The following DROSHA variants were observed in gnomAD, a reference collection of about 807,000 sequenced individuals.
DROSHA encodes the protein drosha ribonuclease III, also known as ribonuclease 3.
In DROSHA, 56 loss-of-function variants were observed where a neutral mutation model predicts 181.9. The observed-to-expected ratio is 0.31, with a 90% CI of 0.25 to 0.38. DROSHA has a LOEUF of 0.38. DROSHA is among the 10% of genes least tolerant of loss of function. The pLI, the probability that DROSHA is intolerant of heterozygous loss-of-function variation, is 1.00. For synonymous variants in DROSHA, 524 were observed against 591.2 expected, an observed-to-expected ratio of 0.89 and a Z score of 1.65; for missense variants, 1,218 against 1,743.5, an observed-to-expected ratio of 0.70 and a Z score of 5.37.
intron 18 of DROSHA, chr5:31,467,460 T>A (rs1749206427): frequency 6.6e-6 from 1 of 152,078 alleles, no homozygotes; most frequent in Non-Finnish European, 1.5e-5. Context: ...GAAAGTTACA[T>A]CAATCCTAAG....
chr5:31,410,752 A>G lies in DROSHA; in HGVS notation c.3661T>C (p.Leu1221=). Residue 1221 remains leucine, a synonymous_variant, in exon 31 of 36, where the codon TTG becomes CTG. Transcript: ENST00000344624. ...ALRTKTLADL[L]ESFIAALYID... is the part of the protein sequence containing the mutation. ...AAAAGTGTGTGGCACTCACATTCCA[A>G]AAGGTCCGCCAAGGTCTTGGTGCGA... 6.2e-7 allele frequency: 1 copy of G among 1,613,198 alleles called. No individual in the cohort carries two copies. The highest frequency in any genetic ancestry group is 8.5e-7 in the Non-Finnish European group (1 of 1,179,514).
chr5:31,508,170 G>A (rs1738210253), intron 10 of DROSHA, among the ~76,000 whole-genome samples: 1 of 151,972 alleles, frequency 6.6e-6, no homozygotes, highest in Admixed American at 6.6e-5. Context: ...AAATAATTAT[G>A]TCCACCTATT....
At position 31,437,351 on chromosome 5, in the gene DROSHA, C is replaced by A; in HGVS notation, c.2883-53G>T. 6.0e-6 allele frequency: 7 copies of A among 1,162,634 alleles called. No homozygotes were observed. The East Asian group carries it at 1.9e-4, about 32-fold the overall frequency. 72.0% of individuals were successfully genotyped at this position (1,162,634 alleles called of 1,614,324 possible). ...AATACAGCATATTAACACTCCCCCC[C>A]ACCCACCCACCCCCGCAAGAAAAGA... On this transcript the variant is annotated intron_variant, in intron 23 of 35. Transcript: ENST00000344624.
rs1274114593 is a variant in DROSHA, at chr5:31,526,686, G to C, written c.247C>G (p.Pro83Ala). The change falls in exon 5 of 36, where the codon CCA (proline) becomes GCA (alanine). Residue 83 changes from proline to alanine, a missense_variant. Physicochemically the swap from Pro to Ala is conservative, Grantham distance 27. This residue lies in a region of DROSHA where 536 missense variants were observed against 535.4 expected (regional missense o/e 1.00). Transcript: ENST00000344624. ...PPRPDFVPFP[P>A]PMPPSAQGPL... ...CCTTGCGCTGACGGAGGCATGGGTG[G>C]GGGGAAGGGTACAAAGTCTGGTCGT... The C allele has an allele frequency of 2.7e-5, 41 of 1,523,024 alleles. No individual in the cohort carries two copies. The highest frequency in any genetic ancestry group is 3.5e-5 in the Non-Finnish European group (40 of 1,137,498). 94.3% of individuals were successfully genotyped at this position (1,523,024 alleles called of 1,614,324 possible). A position where few individuals can be genotyped will look rare whatever the true frequency, so the allele number is the denominator to read the frequency against.
At chr5:31,412,801 G>A (rs1303794049) in intron 30 of DROSHA, among the ~76,000 whole-genome samples, 1 of 152,106 alleles carries the variant, frequency 6.6e-6, no homozygotes, top group Non-Finnish European at 1.5e-5. Flanking sequence ...GAGCCCACTA[G>A]CCTAATATCT....
At chr5:31,414,310 A>G (rs77598021) in intron 30 of DROSHA, among the ~76,000 whole-genome samples, 1 of 152,334 alleles carries the variant, frequency 6.6e-6, no homozygotes, top group East Asian at 1.9e-4. Flanking sequence ...ATAAATTACT[A>G]TTTTACAAAG....
chr5:31,522,370 G>A (rs928430631), intron 5 of DROSHA, among the ~76,000 whole-genome samples: 2 of 152,034 alleles, frequency 1.3e-5, no homozygotes, highest in Non-Finnish European at 2.9e-5. Flanking sequence ...AAAGATATAT[G>A]TAATTTGTAA....
chr5:31,464,064 CAG>C, intron 20 of DROSHA, 170 bp downstream of exon 20: 1 of 642,598 alleles, frequency 1.6e-6, no homozygotes, highest in Non-Finnish European at 2.7e-6. Flanking sequence ...AGCATCAAAA[CAG>C]ACAACAAAAA....
chr5:31,450,680 G>A (rs1444365126), intron 21 of DROSHA, among the ~76,000 whole-genome samples: 1 of 152,088 alleles, frequency 6.6e-6, no homozygotes, highest in Admixed American at 6.6e-5. Flanking sequence ...GACTCAGATG[G>A]GGAGTGTTGG....
In DROSHA at chr5:31,401,562, T is replaced by C; in HGVS notation, c.3995A>G (p.Tyr1332Cys). The part of the protein sequence containing the change: ...MGAAMDALEK[Y>C]NFPQMAHQKR... ...CTGATGGGCCATCTGGGGAAAATTA[T>C]CTGACACAAGGAAATATATTTTATA... Residue 1332 changes from tyrosine (Y) to cysteine (C), a missense_variant and splice_region_variant, in exon 36 of 36, where the codon TAT becomes TGT. Coordinates refer to ENST00000344624, the MANE Select transcript of DROSHA (RefSeq NM_001382508.1). The C allele has an allele frequency of 6.4e-7, 1 of 1,566,094 alleles. No homozygotes were observed. The highest frequency in any genetic ancestry group is 8.7e-7 in the Non-Finnish European group (1 of 1,155,744).
chr5:31,472,177 G>A lies in DROSHA; in HGVS notation c.2127C>T (p.Cys709=). 7 of 1,613,872 alleles carry A rather than the reference G, an allele frequency of 4.3e-6. No individual in the cohort carries two copies. The highest frequency in any genetic ancestry group is 5.9e-6 in the Non-Finnish European group (7 of 1,179,852). ...MHQILLYLLR[C]SKALVPEEEI... is the part of the protein sequence containing the mutation. Reference sequence around the variant, plus strand: ...CCTCCTCAGGCACCAGGGCTTTGCTGCACCTTAACAAGTACAGGAGAATCT... The same window carrying A: ...CCTCCTCAGGCACCAGGGCTTTGCTACACCTTAACAAGTACAGGAGAATCT... Residue 709 remains cysteine (C), a synonymous_variant, in exon 17 of 36, where the codon TGC becomes TGT. Coordinates refer to ENST00000344624, the MANE Select transcript of DROSHA (RefSeq NM_001382508.1).
chr5:31,444,571 G>C (rs1199867479), intron 23 of DROSHA, among the ~76,000 whole-genome samples: 1 of 152,150 alleles, frequency 6.6e-6, no homozygotes, highest in Admixed American at 6.5e-5. Context: ...ACTGCGGTAG[G>C]GGAAGATGAG....
In DROSHA at chr5:31,508,668, G is replaced by C; in HGVS notation, c.1540C>G (p.His514Asp). ...AGTTCATCATGAAGTCGGTCAGGGT[G>C]GGCCTTTTTGCGTTTGATTTCTGCA... Reference protein sequence around the residue: ...VIAEIKRKKAHPDRLHDELWY... With the variant: ...VIAEIKRKKADPDRLHDELWY... The change falls in exon 10 of 36, where the codon CAC (histidine) becomes GAC (aspartate). Residue 514 changes from histidine (H) to aspartate (D), a missense_variant. Coordinates refer to ENST00000344624, the MANE Select transcript of DROSHA (RefSeq NM_001382508.1). 2 of 1,613,896 alleles carry C rather than the reference G, an allele frequency of 1.2e-6. No individual in the cohort carries two copies. Among genetic ancestry groups the C allele is most frequent in the Non-Finnish European group, 1.7e-6 (2 of 1,179,858 alleles).
rs146059504 is a variant in DROSHA at position 31,427,326 on chromosome 5, G to T, written c.3216+2149C>A. Reference sequence around the variant, plus strand: ...TGAAACAATGGATCTGAATGTACTGGGTCAAACTTGAAGGGTTACACAAAG... The same window carrying T: ...TGAAACAATGGATCTGAATGTACTGTGTCAAACTTGAAGGGTTACACAAAG... On this transcript the variant is annotated intron_variant, in intron 27 of 35. Coordinates refer to ENST00000344624, the MANE Select transcript of DROSHA (RefSeq NM_001382508.1). 3.6e-4 allele frequency among the ~76,000 whole-genome samples: 55 copies of T among 152,142 alleles called. No individual in the cohort carries two copies. In the East Asian group the frequency reaches 8.9e-3, roughly 25 times the overall value.
chr5:31,449,196 G>C lies in DROSHA; in HGVS notation c.2821+85C>G, dbSNP rs989805184. On this transcript the variant is annotated intron_variant, in intron 22 of 35. Transcript: ENST00000344624. ...TGAGACGGTGAAAGAGTCACCCAGG[G>C]AACCATTCCTAGAGGCGAAATAATT... 3.1e-5 allele frequency: 48 copies of C among 1,540,356 alleles called. No homozygotes were observed. The South Asian group carries it at 5.4e-4, about 17-fold the overall frequency.
chr5:31,505,008 CAT>C (rs762471198), intron 10 of DROSHA, among the ~76,000 whole-genome samples: 1 of 152,140 alleles, frequency 6.6e-6, no homozygotes, highest in South Asian at 2.1e-4. Flanking sequence ...TGGAGGAACA[CAT>C]AGAGTGTTTT....
rs754601388 is a variant in DROSHA at position 31,531,197 on chromosome 5, C to CA, written c.-174+252dup. 5.9e-5 allele frequency among the ~76,000 whole-genome samples: 9 copies of CA among 152,144 alleles called. No homozygotes were observed. In the East Asian group the frequency reaches 7.7e-4, roughly 13 times the overall value. On this transcript the variant is annotated intron_variant, in intron 2 of 35. Transcript: ENST00000344624. Reference sequence around the variant, plus strand: ...AATACAAAATAATGCAATAAACACACAAAAAAGAGGTATGTGCAGGGCTTA... The same window carrying CA: ...AATACAAAATAATGCAATAAACACACAAAAAAAGAGGTATGTGCAGGGCTTA...
At chr5:31,512,364 G>A (rs186414588) in intron 8 of DROSHA, among the ~76,000 whole-genome samples, 4 of 152,176 alleles carry the variant, frequency 2.6e-5, no homozygotes, top group East Asian at 1.9e-4. Flanking sequence ...TACTCATAAC[G>A]ATGTAATAAA....
chr5:31,495,508 C>T (rs1436306748), intron 11 of DROSHA, 136 bp from the exon 12 acceptor site: 2 of 805,884 alleles, frequency 2.5e-6, no homozygotes, highest in African/African-American at 1.7e-5. Flanking sequence ...TAGGAAAGAA[C>T]AGTATTGGCT....
Sources: gnomAD v4.1 joint callset for allele counts (sites outside exome capture counted in the v4.1 genomes callset) on GRCh38, gnomAD v4.1.1 for gene constraint, gnomAD v4.1.1 regional missense constraint, MANE v1.5 for transcripts, NCBI Gene and HGNC (gene_info 2026-07-23, HGNC 2026-07-21) for gene names.